MAP3K9: variants seen among roughly 807,000 people sequenced by gnomAD.
MAP3K9 encodes mixed lineage kinase 1 (tyr and ser/thr specificity).
MAP3K9 carries 46 observed loss-of-function variants against 95.8 expected under a neutral mutation model. The ratio of observed to expected loss-of-function variants is 0.48; its 90% CI spans 0.38 to 0.61. The LOEUF is 0.61. Ranked by LOEUF, MAP3K9 falls within the 20% of genes least tolerant of loss-of-function variation. The probability of loss-of-function intolerance (pLI) is 0.00; values close to 1 mark genes in which losing one functional copy is unlikely to be tolerated. For synonymous variants in MAP3K9, 533 were observed against 593.8 expected, an observed-to-expected ratio of 0.90 and a Z score of 1.49; for missense variants, 1,296 against 1,474.3, an observed-to-expected ratio of 0.88 and a Z score of 1.98.
In MAP3K9 at chr14:70,733,188, G is replaced by A. The variant is rs781377445; in HGVS notation, c.2181C>T (p.Ala727=). Residue 727 remains alanine (A), a synonymous_variant, in exon 11 of 12, where the codon GCC becomes GCT. Transcript: ENST00000554752. The stretch of plus-strand genomic sequence containing the variant: ...TTGGCGTCAGCTGAGGGGTACTCGT[G>A]GCCGAGTTGACTGGGGTGGGCTCCT... ...IHEEPTPVNS[A]TSTPQLTPTN... 9 of 1,610,636 alleles carry A rather than the reference G, an allele frequency of 5.6e-6. No homozygotes were observed. Among genetic ancestry groups the A allele is most frequent in the Non-Finnish European group, 7.6e-6 (9 of 1,177,458 alleles).
At chr14:70,803,488 T>C (rs940026803) in intron 1 of MAP3K9, among the ~76,000 whole-genome samples, 1 of 151,520 alleles carries the variant, frequency 6.6e-6, no homozygotes, top group Non-Finnish European at 1.5e-5. Flanking sequence ...GAACTGCCAC[T>C]GCTGACTATT....
At chr14:70,801,546 C>T (rs2054930669) in intron 1 of MAP3K9, among the ~76,000 whole-genome samples, 1 of 152,188 alleles carries the variant, frequency 6.6e-6, no homozygotes, top group South Asian at 2.1e-4. Context: ...GCCACTGCAC[C>T]TGGCCGAGAT....
At chr14:70,799,107 T>C (rs933629301) in intron 2 of MAP3K9, among the ~76,000 whole-genome samples, 46 of 152,222 alleles carry the variant, frequency 3.0e-4, no homozygotes, top group Non-Finnish European at 4.4e-5. Flanking sequence ...GGAAACATTA[T>C]AGGTTAACTT....
chr14:70,779,123 T>A (rs1452824264), intron 2 of MAP3K9, among the ~76,000 whole-genome samples: 1 of 152,170 alleles, frequency 6.6e-6, no homozygotes, highest in Non-Finnish European at 1.5e-5. Flanking sequence ...CCCTTGTAGC[T>A]GGAGCAGAAC....
At chr14:70,783,309 G>A (rs202120159) in intron 2 of MAP3K9, 2 of 979,980 alleles carry the variant, frequency 2.0e-6, no homozygotes, top group East Asian at 2.3e-4. Flanking sequence ...AAATTAGTCT[G>A]ACTCTTATTT....
intron 2 of MAP3K9, among the ~76,000 whole-genome samples, chr14:70,798,688 C>T (rs921578961): frequency 6.6e-5 from 10 of 151,586 alleles, no homozygotes; most frequent in East Asian, 1.9e-4. Context: ...CCGTTTTAGC[C>T]GGGATGGTCT....
At chr14:70,738,486 A>C in intron 7 of MAP3K9, 88 bp from the exon 8 acceptor site, 1 of 1,184,836 alleles carries the variant, frequency 8.4e-7, no homozygotes, top group Non-Finnish European at 1.2e-6. Flanking sequence ...ACACACACAC[A>C]CATTTGGAGC....
intron 2 of MAP3K9, among the ~76,000 whole-genome samples, chr14:70,767,868 G>A (rs2054478587): frequency 1.3e-5 from 2 of 151,960 alleles, no homozygotes; most frequent in Non-Finnish European, 2.9e-5. Flanking sequence ...TTTATTTTTT[G>A]TATTGACCGG....
chr14:70,808,753 G>A lies in MAP3K9; in HGVS notation c.406+13C>T. 1 of 1,054,042 alleles carries A rather than the reference G, an allele frequency of 9.5e-7. No individual in the cohort carries two copies. Among genetic ancestry groups the A allele is most frequent in the Non-Finnish European group, 1.2e-6 (1 of 852,634 alleles). 65.3% of individuals were successfully genotyped at this position (1,054,042 alleles called of 1,614,324 possible). ...TCATTCCCCCTCCCCGCCCGGCCCC[G>A]CCTTCGCCTTACACTGAATGGGCGG... is the stretch of plus-strand genomic sequence containing the variant. On this transcript the variant is annotated intron_variant, in intron 1 of 11. Transcript: ENST00000554752.
chr14:70,765,401 GT>G (rs1280524444), intron 2 of MAP3K9: 1 of 659,970 alleles, frequency 1.5e-6, no homozygotes, highest in Admixed American at 2.2e-5. Flanking sequence ...GTGGTATACA[GT>G]AATGTCCTAG....
At chr14:70,753,715 T>C (rs2054261078) in intron 3 of MAP3K9, among the ~76,000 whole-genome samples, 1 of 152,158 alleles carries the variant, frequency 6.6e-6, no homozygotes, top group Non-Finnish European at 1.5e-5. Context: ...AGTAATTTCC[T>C]AAAAGTCCTC....
At chr14:70,735,022 C>T (rs982509962) in intron 9 of MAP3K9, among the ~76,000 whole-genome samples, 1 of 152,236 alleles carries the variant, frequency 6.6e-6, no homozygotes, top group African/African-American at 2.4e-5. Context: ...AAAGCCATCC[C>T]CTTTTTAAAA....
rs561148943 is a variant in MAP3K9, at chr14:70,738,460, G to C, written c.1691-62C>G. The C allele has an allele frequency of 4.1e-6, 6 of 1,455,458 alleles. No homozygotes were observed. The African/African-American group carries it at 7.0e-5, about 17-fold the overall frequency. The allele number at this position is 1,455,458 out of a possible 1,614,324, so 90.2% of individuals were successfully genotyped here. On this transcript the variant is annotated intron_variant, in intron 7 of 11. Coordinates refer to ENST00000554752, the MANE Select transcript of MAP3K9 (RefSeq NM_001284230.2). ...GGACAGACAGGGCTCCCCCAAACTA[G>C]CCTCTATACCACCACACACACACAC...
intron 3 of MAP3K9, 32 bp downstream of exon 3, chr14:70,760,970 G>T: frequency 6.2e-7 from 1 of 1,606,326 alleles, no homozygotes; most frequent in Non-Finnish European, 8.5e-7. Context: ...GATGGACCTA[G>T]GAAATGCTGT....
chr14:70,790,646 T>G (rs1272716860), intron 2 of MAP3K9, among the ~76,000 whole-genome samples: 1 of 152,214 alleles, frequency 6.6e-6, no homozygotes, highest in African/African-American at 2.4e-5. Flanking sequence ...AATGAATGTA[T>G]CCACATTTTG....
intron 9 of MAP3K9, among the ~76,000 whole-genome samples, chr14:70,734,924 C>T (rs10146889): frequency 0.044 from 6,731 of 152,324 alleles, 509 homozygotes; most frequent in African/African-American, 0.15. Flanking sequence ...ACCGGGCAGC[C>T]GAGCTAGCAG....
chr14:70,739,842 G>A, intron 7 of MAP3K9, 200 bp downstream of exon 7: 2 of 1,491,692 alleles, frequency 1.3e-6, no homozygotes, highest in Non-Finnish European at 9.0e-7. Flanking sequence ...AAGGTAGAGG[G>A]GGCAGTAGTA....
intron 5 of MAP3K9, among the ~76,000 whole-genome samples, chr14:70,747,444 G>A (rs1010103849): frequency 2.6e-5 from 4 of 152,222 alleles, no homozygotes; most frequent in African/African-American, 9.6e-5. Context: ...CCAGCCCTGT[G>A]CAACTGTGAG....
chr14:70,733,227 A>G lies in MAP3K9; in HGVS notation c.2142T>C (p.Ser714=). ...PRGEDGDGPS[S]DGIHEEPTPV... is the part of the protein sequence containing the mutation. ...GGGTGGGCTCCTCATGGATTCCATC[A>G]CTGGAGGGGCCATCGCCATCCTCTC... Residue 714 remains serine (S), a synonymous_variant, in exon 11 of 12, where the codon AGT becomes AGC. Coordinates refer to ENST00000554752, the MANE Select transcript of MAP3K9 (RefSeq NM_001284230.2). 1 of 1,611,916 alleles carries G rather than the reference A, an allele frequency of 6.2e-7. No individual in the cohort carries two copies. The highest frequency in any genetic ancestry group is 8.5e-7 in the Non-Finnish European group (1 of 1,178,476).
Sources: gnomAD v4.1 joint callset for allele counts (sites outside exome capture counted in the v4.1 genomes callset) on GRCh38, gnomAD v4.1.1 for gene constraint, MANE v1.5 for transcripts, NCBI Gene and HGNC (gene_info 2026-07-23, HGNC 2026-07-21) for gene names.